Variants in MINDY3 observed in about 807,000 individuals in gnomAD.
MINDY3 encodes the protein ubiquitin carboxyl-terminal hydrolase MINDY-3.
A neutral mutation model predicts 69.2 loss-of-function variants in MINDY3; 38 were observed. That is an observed-to-expected ratio of 0.55 (90% confidence interval 0.42 to 0.72). The LOEUF (loss-of-function observed/expected upper bound fraction) is 0.72. Among genes scored for constraint, MINDY3 ranks in the 30% least tolerant of loss-of-function variants. MINDY3 has a pLI of 0.00. For missense variants in MINDY3, 522 were observed against 519.0 expected, an observed-to-expected ratio of 1.01 and a Z score of -0.06; for synonymous variants, 192 against 180.1, an observed-to-expected ratio of 1.07 and a Z score of -0.53.
chr10:15,781,418 T>TATAC (rs904035978), intron 14 of MINDY3, among the ~76,000 whole-genome samples: 1 of 149,040 alleles, frequency 6.7e-6, no homozygotes, highest in African/African-American at 2.4e-5. Flanking sequence ...TATATATATA[T>TATAC]ACTATAACTA....
At chr10:15,833,979 CTAA>C (rs1440134464) in intron 7 of MINDY3, among the ~76,000 whole-genome samples, 3 of 151,770 alleles carry the variant, frequency 2.0e-5, no homozygotes, top group African/African-American at 7.3e-5. Flanking sequence ...AAATGACAGA[CTAA>C]TAAGTTACTT....
At chr10:15,798,145 A>C (rs1837975014) in intron 10 of MINDY3, among the ~76,000 whole-genome samples, 1 of 152,186 alleles carries the variant, frequency 6.6e-6, no homozygotes, top group African/African-American at 2.4e-5. Context: ...GAGTTTTAAG[A>C]TACTGCTGGT....
chr10:15,825,719 CAT>C (rs1166330791), intron 8 of MINDY3, among the ~76,000 whole-genome samples: 10 of 152,316 alleles, frequency 6.6e-5, no homozygotes, highest in African/African-American at 2.4e-4. Context: ...CCGTGTACAA[CAT>C]GTTTTGAAAT....
chr10:15,835,394 T>A (rs116154361), intron 6 of MINDY3, among the ~76,000 whole-genome samples: 2,355 of 152,198 alleles, frequency 0.015, 50 homozygotes, highest in African/African-American at 0.051. Flanking sequence ...ATTAAATAGA[T>A]GATTAATTAA....
chr10:15,847,936 C>T lies in MINDY3; in HGVS notation c.102G>A (p.Val34=). ...TIFCRWTQGF[V]FSESEGSALE... Reference sequence around the variant, plus strand: ...ATGCAGATCCCTCTGATTCACTAAACACAAACCCTAAAAATGAAAGCAAGT... The same window carrying T: ...ATGCAGATCCCTCTGATTCACTAAATACAAACCCTAAAAATGAAAGCAAGT... The change falls in exon 2 of 15, where the codon GTG becomes GTA. Residue 34 remains valine, a synonymous_variant. Transcript: ENST00000277632. 1.9e-6 allele frequency: 3 copies of T among 1,613,560 alleles called. No individual in the cohort carries two copies. Among genetic ancestry groups the T allele is most frequent in the South Asian group, 2.2e-5 (2 of 91,072 alleles).
chr10:15,784,881 G>C (rs974973944), intron 13 of MINDY3, among the ~76,000 whole-genome samples: 3 of 152,158 alleles, frequency 2.0e-5, no homozygotes, highest in Non-Finnish European at 4.4e-5. Flanking sequence ...TGTAGGGCAT[G>C]ATCGGAAAAG....
At chr10:15,813,219 C>T (rs1350426752) in intron 10 of MINDY3, among the ~76,000 whole-genome samples, 1 of 152,120 alleles carries the variant, frequency 6.6e-6, no homozygotes, top group Non-Finnish European at 1.5e-5. Context: ...GCTATTCTTC[C>T]AGCTTCATCT....
chr10:15,834,605 G>GT lies in MINDY3; in HGVS notation c.587dup (p.Asn196LysfsTer7). On this transcript the variant is annotated frameshift_variant, in exon 7 of 15. Transcript: ENST00000277632. LOFTEE classifies it high-confidence loss of function. Reference sequence around the variant, plus strand: ...TTGCATCTTCAATTTCGTTTTTTATGTTTTCAATGCCCTAAAGAAACAGAA... The same window carrying GT: ...TTGCATCTTCAATTTCGTTTTTTATGTTTTTCAATGCCCTAAAGAAACAGAA... The GT allele has an allele frequency of 6.2e-7, 1 of 1,607,808 alleles. No individual in the cohort carries two copies. The highest frequency in any genetic ancestry group is 8.5e-7 in the Non-Finnish European group (1 of 1,175,292).
In MINDY3 at chr10:15,778,905, T is replaced by C. The variant is rs1318640130; in HGVS notation, c.*87A>G. 7 of 1,093,580 alleles carry C rather than the reference T, an allele frequency of 6.4e-6. No individual in the cohort carries two copies. Among genetic ancestry groups the C allele is most frequent in the Non-Finnish European group, 9.3e-6 (7 of 751,992 alleles). The allele number at this position is 1,093,580 out of a possible 1,614,324, so 67.7% of individuals were successfully genotyped here. On this transcript the variant is annotated 3_prime_UTR_variant, in exon 15 of 15. Transcript: ENST00000277632. ...ATTTACAGTTAATCAGTGATACCAG[T>C]GTTTAGCTTAATCCAGCCAATTGCC...
intron 9 of MINDY3, chr10:15,817,279 C>T (rs1026584333): frequency 2.4e-5 from 4 of 169,042 alleles, no homozygotes; most frequent in Middle Eastern, 2.5e-3. Context: ...ATAAACTTGA[C>T]GATAATAACT....
At chr10:15,779,971 C>G (rs183746259) in intron 14 of MINDY3, among the ~76,000 whole-genome samples, 138 of 152,234 alleles carry the variant, frequency 9.1e-4, no homozygotes, top group African/African-American at 3.2e-3. Flanking sequence ...TTAAGGCACT[C>G]CTTGGTGGTT....
intron 14 of MINDY3, among the ~76,000 whole-genome samples, chr10:15,780,490 A>C (rs1308556074): frequency 6.6e-6 from 1 of 152,164 alleles, no homozygotes; most frequent in East Asian, 1.9e-4. Flanking sequence ...TTCACAAAGA[A>C]CTTCATGTAC....
At chr10:15,844,880 C>T (rs962892499) in intron 2 of MINDY3, among the ~76,000 whole-genome samples, 1 of 152,168 alleles carries the variant, frequency 6.6e-6, no homozygotes, top group Admixed American at 6.5e-5. Flanking sequence ...TTTTACTTTC[C>T]TGGCTTCCTA....
rs145790227 is a variant in MINDY3 at position 15,781,317 on chromosome 10, C to T, written c.1188+838G>A. ...TCTGTAACCTTCCACAATTTAGATA[C>T]ATGAAGTCAGCATGGGCAGATCAAA... On this transcript the variant is annotated intron_variant, in intron 14 of 14. Coordinates refer to ENST00000277632, the MANE Select transcript of MINDY3 (RefSeq NM_024948.4). Among the ~76,000 whole-genome samples the T allele has an allele frequency of 2.6e-5, 4 of 151,040 alleles. No individual in the cohort carries two copies. In the East Asian group the frequency reaches 7.7e-4, roughly 29 times the overall value.
intron 13 of MINDY3, among the ~76,000 whole-genome samples, chr10:15,784,692 G>A (rs1392191398): frequency 2.0e-5 from 3 of 152,134 alleles, no homozygotes; most frequent in African/African-American, 7.2e-5. Context: ...AGCTGAGATC[G>A]TGCCACTGCA....
At chr10:15,819,487 T>C (rs1045224826) in intron 9 of MINDY3, among the ~76,000 whole-genome samples, 4 of 152,194 alleles carry the variant, frequency 2.6e-5, no homozygotes, top group Non-Finnish European at 5.9e-5. Flanking sequence ...ATCACCCTAA[T>C]CACCCTGGAG....
chr10:15,801,138 T>G (rs367890407), intron 10 of MINDY3, among the ~76,000 whole-genome samples: 46 of 152,238 alleles, frequency 3.0e-4, no homozygotes, highest in Admixed American at 7.2e-4. Flanking sequence ...AATATCTGCC[T>G]GAACAGGTTT....
At chr10:15,838,181 C>T (rs1190840668) in intron 5 of MINDY3, 47 bp downstream of exon 5, 9 of 1,558,288 alleles carry the variant, frequency 5.8e-6, no homozygotes, top group African/African-American at 4.1e-5. Flanking sequence ...CTTAAAGTGG[C>T]AATGTGTCCA....
At chr10:15,827,011 T>C (rs1043776288) in intron 8 of MINDY3, among the ~76,000 whole-genome samples, 2 of 151,856 alleles carry the variant, frequency 1.3e-5, no homozygotes, top group African/African-American at 2.4e-5. Context: ...TCTCAGCTAC[T>C]TGAGAGACTG....
Sources: allele counts gnomAD v4.1 joint callset (sites outside exome capture counted in the v4.1 genomes callset), GRCh38; gene constraint gnomAD v4.1.1; transcripts MANE v1.5; gene names NCBI Gene and HGNC (gene_info 2026-07-23, HGNC 2026-07-21).